The following ADAMTS20 variants were observed in gnomAD, a reference collection of about 807,000 sequenced individuals.
ADAMTS20 encodes the protein A disintegrin and metalloproteinase with thrombospondin motifs 20.
In ADAMTS20, 225 loss-of-function variants were observed where a neutral mutation model predicts 260.1. That is an observed-to-expected ratio of 0.87 (90% CI 0.78 to 0.97). The LOEUF is 0.97. Ranked by LOEUF, ADAMTS20 falls within the 50% of genes least tolerant of loss-of-function variation. The probability of loss-of-function intolerance (pLI) is 0.00; values close to 1 mark genes in which losing one functional copy is unlikely to be tolerated. For missense variants in ADAMTS20, 2,400 were observed against 2,337.7 expected (o/e 1.03, Z -0.55); for synonymous variants, 802 against 769.5 (o/e 1.04, Z -0.70).
At chr12:43,536,537 A>G (rs1943297645) in intron 2 of ADAMTS20, among the ~76,000 whole-genome samples, 1 of 152,240 alleles carries the variant, frequency 6.6e-6, no homozygotes, top group Admixed American at 6.5e-5. Flanking sequence ...AGAGAATAAA[A>G]GAGGGTGAGA....
At chr12:43,409,118 G>C (rs192477749) in intron 28 of ADAMTS20, among the ~76,000 whole-genome samples, 3 of 151,996 alleles carry the variant, frequency 2.0e-5, no homozygotes, top group Admixed American at 6.6e-5. Context: ...GTAGTTATGA[G>C]AGAAATGTAG....
chr12:43,545,944 T>C (rs762775155), intron 2 of ADAMTS20, among the ~76,000 whole-genome samples: 1 of 152,154 alleles, frequency 6.6e-6, no homozygotes, highest in African/African-American at 2.4e-5. Context: ...AAGAACAGCA[T>C]AAGAAATTTT....
intron 4 of ADAMTS20, among the ~76,000 whole-genome samples, chr12:43,494,744 A>G (rs1020098520): frequency 1.4e-5 from 2 of 148,044 alleles, no homozygotes; most frequent in Non-Finnish European, 2.9e-5. Context: ...TTGAATTTAT[A>G]TATTCATTTT....
At chr12:43,452,819 A>T in intron 12 of ADAMTS20, 124 bp from the exon 13 acceptor site, 2 of 836,960 alleles carry the variant, frequency 2.4e-6, no homozygotes, top group Admixed American at 3.1e-5. Context: ...ACTTTTTAAC[A>T]GAAGTATGTA....
chr12:43,494,140 T>C (rs1473127233), intron 4 of ADAMTS20, among the ~76,000 whole-genome samples: 1 of 152,220 alleles, frequency 6.6e-6, no homozygotes, highest in East Asian at 1.9e-4. Flanking sequence ...CAATGAAATC[T>C]GCTTCTAAAC....
At chr12:43,469,295 C>T (rs1942210409) in intron 7 of ADAMTS20, among the ~76,000 whole-genome samples, 1 of 152,030 alleles carries the variant, frequency 6.6e-6, no homozygotes, top group Non-Finnish European at 1.5e-5. Flanking sequence ...TGTAACATTT[C>T]CGCAATAGGA....
intron 2 of ADAMTS20, among the ~76,000 whole-genome samples, chr12:43,539,330 A>T (rs957943585): frequency 6.6e-6 from 1 of 152,180 alleles, no homozygotes; most frequent in African/African-American, 2.4e-5. Context: ...TTCAATGCTG[A>T]AAAGTAAAAT....
In ADAMTS20 at chr12:43,439,701, A is replaced by T; in HGVS notation, c.2514T>A (p.Asn838Lys). ...TGTCACTCCTCTCTTCCAAAGGGAT[A>T]TTGAAGGAATAATGTACATCAGGGT... ...LYNPDVHYSFNIPLEERSDMF... is the reference protein window; with the variant it reads ...LYNPDVHYSFKIPLEERSDMF... Residue 838 changes from asparagine to lysine, a missense_variant, in exon 18 of 39, where the codon AAT becomes AAA. Asn to Lys is a moderately conservative substitution (Grantham distance 94). Transcript: ENST00000389420. The T allele has an allele frequency of 6.2e-7, 1 of 1,613,840 alleles. No homozygotes were observed. The highest frequency in any genetic ancestry group is 8.5e-7 in the Non-Finnish European group (1 of 1,179,802).
At chr12:43,442,842 G>A (rs1565551335) in intron 16 of ADAMTS20, among the ~76,000 whole-genome samples, 1 of 152,060 alleles carries the variant, frequency 6.6e-6, no homozygotes, top group Admixed American at 6.5e-5. Flanking sequence ...ATCATTAAAC[G>A]AACAGTTCAA....
At chr12:43,529,669 G>C (rs552703459) in intron 3 of ADAMTS20, among the ~76,000 whole-genome samples, 1 of 152,094 alleles carries the variant, frequency 6.6e-6, no homozygotes, top group East Asian at 1.9e-4. Flanking sequence ...AGGGTAGGAG[G>C]GGGGTGCGGA....
chr12:43,506,137 A>AAAC (rs374372258), intron 3 of ADAMTS20, among the ~76,000 whole-genome samples: 15,740 of 131,432 alleles, frequency 0.12, 920 homozygotes, highest in African/African-American at 0.14. Context: ...AAACAAACAA[A>AAAC]AACAACAACA....
chr12:43,497,478 C>T lies in ADAMTS20; in HGVS notation c.868-4225G>A, dbSNP rs1046916229. Among the ~76,000 whole-genome samples, 4 of 152,098 alleles carry T rather than the reference C, an allele frequency of 2.6e-5. No homozygotes were observed. In the South Asian group the frequency reaches 6.2e-4, roughly 24 times the overall value. On this transcript the variant is annotated intron_variant, in intron 4 of 38. Transcript: ENST00000389420. ...AATTTTGTTTACAAAGATCATTACT[C>T]TTTACTTCTTTGGAAAGATCTTTTC...
Position 43,551,138 on chromosome 12 carries a change from G to T in ADAMTS20, c.224C>A (p.Pro75Gln). ...AGTGAAGCGATAGTGGGTTCGGAAC[G>T]GCATGGGTTCCAGCGCCTCGGAGCT... ...KRSSEALEPMPFRTHYRFTAY... is the reference protein window; with the variant it reads ...KRSSEALEPMQFRTHYRFTAY... The change falls in exon 2 of 39, where the codon CCG (proline) becomes CAG (glutamine). Residue 75 changes from proline to glutamine, a missense_variant. By Grantham distance (76) the Pro-to-Gln change is moderately conservative (BLOSUM62 -1). Transcript: ENST00000389420. The surrounding 1 kb of genome is among the most constrained non-coding windows in gnomAD (Gnocchi z 4.6). 1 of 1,613,938 alleles carries T rather than the reference G, an allele frequency of 6.2e-7. No individual in the cohort carries two copies. The highest frequency in any genetic ancestry group is 1.3e-5 in the African/African-American group (1 of 75,044).
chr12:43,442,901 T>C (rs1460016279), intron 16 of ADAMTS20, among the ~76,000 whole-genome samples: 1 of 152,212 alleles, frequency 6.6e-6, no homozygotes. Flanking sequence ...CTCTATCTAG[T>C]TCCAAAACCT....
At chr12:43,428,106 C>A (rs1352614266) in intron 26 of ADAMTS20, 135 bp downstream of exon 26, 1 of 930,742 alleles carries the variant, frequency 1.1e-6, no homozygotes, top group Non-Finnish European at 1.6e-6. Flanking sequence ...GACGCTTAAT[C>A]TTTTTAATAT....
chr12:43,521,817 C>T (rs563810222), intron 3 of ADAMTS20, among the ~76,000 whole-genome samples: 31 of 152,104 alleles, frequency 2.0e-4, no homozygotes, highest in Non-Finnish European at 4.1e-4. Context: ...CACACCCGCA[C>T]CTTACTCTCC....
At chr12:43,381,006 C>T (rs1352217903) in intron 31 of ADAMTS20, among the ~76,000 whole-genome samples, 1 of 152,062 alleles carries the variant, frequency 6.6e-6, no homozygotes, top group African/African-American at 2.4e-5. Context: ...TTACAGTCAT[C>T]AAGACTACAT....
chr12:43,527,146 T>C (rs1205464155), intron 3 of ADAMTS20, among the ~76,000 whole-genome samples: 1 of 151,938 alleles, frequency 6.6e-6, no homozygotes, highest in African/African-American at 2.4e-5. Flanking sequence ...CAGGAAGAAA[T>C]AGAAACCCTA....
chr12:43,453,221 A>G (rs1214429568), intron 12 of ADAMTS20, among the ~76,000 whole-genome samples: 8 of 152,220 alleles, frequency 5.3e-5, no homozygotes, highest in Non-Finnish European at 1.2e-4. Context: ...AGTATAATTT[A>G]TCCTAAAATT....
Sources: allele counts gnomAD v4.1 joint callset (sites outside exome capture counted in the v4.1 genomes callset), GRCh38; gene constraint gnomAD v4.1.1; non-coding constraint Gnocchi (gnomAD v3.1); transcripts MANE v1.5; gene names NCBI Gene and HGNC (gene_info 2026-07-23, HGNC 2026-07-21).